Variants in SLC1A4 observed in about 807,000 individuals in gnomAD.
SLC1A4 encodes the protein solute carrier family 1 member 4, also known as neutral amino acid transporter A.
In SLC1A4, 19 loss-of-function variants were observed where a neutral mutation model predicts 37.7. The observed-to-expected ratio is 0.50, with a 90% CI of 0.35 to 0.74. The LOEUF (loss-of-function observed/expected upper bound fraction) is 0.74. SLC1A4 is among the 30% of genes least tolerant of loss of function. The probability of loss-of-function intolerance (pLI) is 0.01; values close to 1 mark genes in which losing one functional copy is unlikely to be tolerated. For missense variants in SLC1A4, 570 were observed against 712.9 expected (o/e 0.80, Z 2.28); for synonymous variants, 299 against 309.8 (o/e 0.97, Z 0.37).
intron 1 of SLC1A4, chr2:65,000,884 C>T (rs72818266): frequency 1.3e-5 from 2 of 152,580 alleles, no homozygotes; most frequent in African/African-American, 4.8e-5. Flanking sequence ...ACACTCCCCC[C>T]AATTGGGGAA....
At chr2:64,993,487 G>A (rs1673139097) in intron 1 of SLC1A4, among the ~76,000 whole-genome samples, 1 of 152,244 alleles carries the variant, frequency 6.6e-6, no homozygotes, top group Non-Finnish European at 1.5e-5. Context: ...TAGAAGCAAT[G>A]AGAAGGGATG....
At position 64,992,076 on chromosome 2, in the gene SLC1A4, G is replaced by A. The variant is rs183804360; in HGVS notation, c.527+1906G>A. On this transcript the variant is annotated intron_variant, in intron 1 of 7. Coordinates refer to ENST00000234256, the MANE Select transcript of SLC1A4 (RefSeq NM_003038.5). Reference sequence around the variant, plus strand: ...GAAAAGAAGTCTCCTGAGGTTGAGAGCACCTTTAGCCTATTACCTGTAGGA... The same window carrying A: ...GAAAAGAAGTCTCCTGAGGTTGAGAACACCTTTAGCCTATTACCTGTAGGA... Among the ~76,000 whole-genome samples the A allele has an allele frequency of 3.4e-3, 522 of 152,350 alleles. 2 individuals are homozygous for A. The highest frequency in any genetic ancestry group is 0.012 in the African/African-American group (509 of 41,572).
intron 4 of SLC1A4, among the ~76,000 whole-genome samples, chr2:65,013,891 C>T (rs1220945587): frequency 6.6e-6 from 1 of 152,184 alleles, no homozygotes. Flanking sequence ...ATTGCAACTA[C>T]CCAACTCTGC....
At chr2:65,002,490 C>T (rs1228015635) in intron 2 of SLC1A4, among the ~76,000 whole-genome samples, 1 of 150,934 alleles carries the variant, frequency 6.6e-6, no homozygotes, top group Non-Finnish European at 1.5e-5. Context: ...TCTACTAGTC[C>T]CCTACCGATG....
intron 3 of SLC1A4, among the ~76,000 whole-genome samples, chr2:65,005,800 C>T (rs1250357365): frequency 6.6e-6 from 1 of 152,128 alleles, no homozygotes; most frequent in Non-Finnish European, 1.5e-5. Flanking sequence ...TCATGACCAG[C>T]CTGGGCAACA....
At position 65,010,805 on chromosome 2, in the gene SLC1A4, T is replaced by C. The variant is rs201339911; in HGVS notation, c.800+42T>C. On this transcript the variant is annotated intron_variant, in intron 4 of 7. Transcript: ENST00000234256. ...TGCCTACTCTCTCTCTCCTTCCTCCTGCCATCCAGAAAAGAGTCCACCTTG... is the reference window on the plus strand; with the variant it reads ...TGCCTACTCTCTCTCTCCTTCCTCCCGCCATCCAGAAAAGAGTCCACCTTG... The C allele has an allele frequency of 8.8e-5, 139 of 1,579,130 alleles. 1 individual carries two copies. Among genetic ancestry groups the C allele is most frequent in the Middle Eastern group, 6.5e-4 (3 of 4,650 alleles).
At chr2:64,989,243 A>AGGCTCCCGGCGGC (rs150846291), upstream of SLC1A4, among the ~76,000 whole-genome samples, 35 of 109,868 alleles carry the variant, frequency 3.2e-4, no homozygotes, top group East Asian at 3.3e-3. Flanking sequence ...TGGGGACCAG[A>AGGCTCCCGGCGGC]GGCTCCCGGC....
chr2:65,002,056 G>C (rs1305743143), intron 2 of SLC1A4, among the ~76,000 whole-genome samples: 1 of 152,148 alleles, frequency 6.6e-6, no homozygotes, highest in African/African-American at 2.4e-5. Context: ...AAGGTGGGTG[G>C]ATCACTTGAG....
intron 2 of SLC1A4, among the ~76,000 whole-genome samples, chr2:65,003,239 A>C (rs1181211198): frequency 6.6e-6 from 1 of 152,216 alleles, no homozygotes; most frequent in African/African-American, 2.4e-5. Flanking sequence ...CTGACAGTTC[A>C]AGGACCAGGT....
chr2:65,009,862 A>G (rs1158570717), intron 3 of SLC1A4, among the ~76,000 whole-genome samples: 1 of 152,204 alleles, frequency 6.6e-6, no homozygotes, highest in African/African-American at 2.4e-5. Flanking sequence ...GGTCACTGTA[A>G]GAGCCTCACA....
In SLC1A4 at chr2:65,018,628, T is replaced by C. The variant is rs141895894; in HGVS notation, c.1313T>C (p.Ile438Thr). 3.0e-4 allele frequency: 492 copies of C among 1,614,174 alleles called. 1 individual carries two copies. In the African/African-American group the frequency reaches 4.5e-3, roughly 15 times the overall value. Reference sequence around the variant, plus strand: ...ACCATTGCCATTATCCTGGAGGCCATTGGGCTGCCTACTCATGACCTGCCT... The same window carrying C: ...ACCATTGCCATTATCCTGGAGGCCACTGGGCTGCCTACTCATGACCTGCCT... ...VLTIAIILEAIGLPTHDLPLI... is the reference protein window; with the variant it reads ...VLTIAIILEATGLPTHDLPLI... Residue 438 changes from isoleucine (I) to threonine (T), a missense_variant, in exon 7 of 8, where the codon ATT (isoleucine) becomes ACT (threonine). Coordinates refer to ENST00000234256, the MANE Select transcript of SLC1A4 (RefSeq NM_003038.5). This position sits in a 1 kb window ranked among gnomAD's most constrained non-coding sequence, Gnocchi z 4.3.
At chr2:64,996,345 G>C (rs1004343804) in intron 1 of SLC1A4, among the ~76,000 whole-genome samples, 2 of 152,196 alleles carry the variant, frequency 1.3e-5, no homozygotes, top group African/African-American at 2.4e-5. Flanking sequence ...ACTGATATTT[G>C]AGAAACTTTG....
At position 64,995,051 on chromosome 2, in the gene SLC1A4, G is replaced by A. The variant is rs550144652; in HGVS notation, c.527+4881G>A. 3.9e-5 allele frequency among the ~76,000 whole-genome samples: 6 copies of A among 152,274 alleles called. No homozygotes were observed. In the South Asian group the frequency reaches 1.2e-3, roughly 32 times the overall value. Reference sequence around the variant, plus strand: ...GCATTGTCTCAGCCTAACTAGTGATGAAAGGAAAATAATAGCAGCTTGTAA... The same window carrying A: ...GCATTGTCTCAGCCTAACTAGTGATAAAAGGAAAATAATAGCAGCTTGTAA... On this transcript the variant is annotated intron_variant, in intron 1 of 7. Transcript: ENST00000234256.
chr2:65,010,859 T>G, intron 4 of SLC1A4, 96 bp downstream of exon 4: 3 of 1,254,040 alleles, frequency 2.4e-6, no homozygotes, highest in Non-Finnish European at 3.4e-6. Flanking sequence ...TGGGGCCACC[T>G]GGCACAATGC....
chr2:65,019,873 G>C lies in SLC1A4; in HGVS notation c.1365-1039G>C, dbSNP rs138608885. On this transcript the variant is annotated intron_variant, in intron 7 of 7. Coordinates refer to ENST00000234256, the MANE Select transcript of SLC1A4 (RefSeq NM_003038.5). The stretch of plus-strand genomic sequence containing the variant: ...CAAGCCGGCTGCCCAGTGGAGACCT[G>C]AAGTCACACAGGCCTGCCAGCCACC... Among the ~76,000 whole-genome samples, 936 of 152,348 alleles carry C rather than the reference G, an allele frequency of 6.1e-3. 2 individuals carry two copies. The highest frequency in any genetic ancestry group is 0.014 in the Middle Eastern group (4 of 294).
intron 4 of SLC1A4, among the ~76,000 whole-genome samples, chr2:65,015,770 T>C (rs1283007996): frequency 6.6e-6 from 1 of 152,168 alleles, no homozygotes; most frequent in East Asian, 1.9e-4. Context: ...CAATTAAAAT[T>C]TACAAATAAA....
rs536246307 is a variant in SLC1A4 at position 64,991,989 on chromosome 2, C to A, written c.527+1819C>A. On this transcript the variant is annotated intron_variant, in intron 1 of 7. Transcript: ENST00000234256. ...ATCACAGCCTTTGTTCTGTGACTGGCAGCTTGATATTTGGAGTCCAGACAC... is the reference window on the plus strand; with the variant it reads ...ATCACAGCCTTTGTTCTGTGACTGGAAGCTTGATATTTGGAGTCCAGACAC... 3.3e-5 allele frequency among the ~76,000 whole-genome samples: 5 copies of A among 152,310 alleles called. No individual in the cohort carries two copies. In the South Asian group the frequency reaches 1.0e-3, roughly 32 times the overall value.
intron 4 of SLC1A4, among the ~76,000 whole-genome samples, chr2:65,012,461 C>G (rs1436801590): frequency 1.3e-5 from 2 of 152,138 alleles, no homozygotes; most frequent in East Asian, 3.9e-4. Flanking sequence ...CTGAAAGATC[C>G]CAGAACTTCT....
At chr2:65,016,762 G>T (rs540047971) in intron 5 of SLC1A4, 89 bp downstream of exon 5, 30 of 835,034 alleles carry the variant, frequency 3.6e-5, no homozygotes, top group African/African-American at 3.2e-4. Context: ...CCAGTGTCTT[G>T]ACATACTTTA....
Sources: allele counts gnomAD v4.1 joint callset (sites outside exome capture counted in the v4.1 genomes callset), GRCh38; gene constraint gnomAD v4.1.1; non-coding constraint Gnocchi (gnomAD v3.1); transcripts MANE v1.5; gene names NCBI Gene and HGNC (gene_info 2026-07-23, HGNC 2026-07-21).